The following CD84 variants were observed in gnomAD, a reference collection of about 807,000 sequenced individuals.
The protein encoded by CD84 is SLAM family member 5.
In CD84, 22 loss-of-function variants were observed where a neutral mutation model predicts 33.8. The observed-to-expected ratio is 0.65, with a 90% CI of 0.46 to 0.93. The LOEUF (loss-of-function observed/expected upper bound fraction) is 0.93, where lower values mean the gene tolerates loss of function less well. Among genes scored for constraint, CD84 ranks in the 40% least tolerant of loss-of-function variants. CD84 has a pLI of 0.00. For missense variants in CD84, 400 were observed against 397.6 expected (o/e 1.01, Z -0.05); for synonymous variants, 154 against 145.2 (o/e 1.06, Z -0.44).
chr1:160,547,728 T>C lies in CD84; in HGVS notation c.*528A>G, dbSNP rs1655913259. The C allele has an allele frequency of 6.3e-6, 1 of 158,412 alleles. No homozygotes were observed. The highest frequency in any genetic ancestry group is 6.2e-5 in the Admixed American group (1 of 16,184). The allele number at this position is 158,412 out of a possible 1,614,324, so 9.8% of individuals were successfully genotyped here. On this transcript the variant is annotated 3_prime_UTR_variant, in exon 7 of 7. Coordinates refer to ENST00000368054, the MANE Select transcript of CD84 (RefSeq NM_003874.4). Reference sequence around the variant, plus strand: ...CATCTGCCTCAAGCGAAGGGTACATTTTCCTAATTTGCTCAAGATGCGTGG... The same window carrying C: ...CATCTGCCTCAAGCGAAGGGTACATCTTCCTAATTTGCTCAAGATGCGTGG...
At position 160,546,819 on chromosome 1, in the gene CD84, A is replaced by G. The variant is rs1655855549; in HGVS notation, c.*1437T>C. On this transcript the variant is annotated 3_prime_UTR_variant, in exon 7 of 7. Transcript: ENST00000368054. ...CTGTGCTGGAATTGTCTCCTGAGCT[A>G]CACAAGAGCAGACATTATGCACATC... The G allele has an allele frequency of 3.6e-6, 1 of 274,952 alleles. No homozygotes were observed. The highest frequency in any genetic ancestry group is 1.7e-4 in the South Asian group (1 of 5,944). 17.0% of individuals were successfully genotyped at this position (274,952 alleles called of 1,614,324 possible).
At chr1:160,552,157 G>A (rs1656275827) in intron 4 of CD84, among the ~76,000 whole-genome samples, 1 of 152,222 alleles carries the variant, frequency 6.6e-6, no homozygotes, top group Non-Finnish European at 1.5e-5. Context: ...TATTTGGTGA[G>A]TATGAGACAA....
At chr1:160,550,195 G>A (rs74124859) in intron 5 of CD84, among the ~76,000 whole-genome samples, 3 of 151,956 alleles carry the variant, frequency 2.0e-5, no homozygotes, top group African/African-American at 4.8e-5. Context: ...GCAGGGTCTC[G>A]GGGGTGAAAA....
In CD84 at chr1:160,556,912, G is replaced by A. The variant is rs16832212; in HGVS notation, c.389-2766C>T. Among the ~76,000 whole-genome samples the A allele has an allele frequency of 7.0e-4, 107 of 152,230 alleles. 2 individuals carry two copies. The East Asian group carries it at 0.013, about 19-fold the overall frequency. On this transcript the variant is annotated intron_variant, in intron 2 of 6. Transcript: ENST00000368054. ...CTTTATTTTCTCAGCTAAAGTTCTC[G>A]AATGAGTTAAATATTTTCTAAAGGG... is the stretch of plus-strand genomic sequence containing the variant.
intron 1 of CD84, among the ~76,000 whole-genome samples, chr1:160,570,465 A>G (rs932106465): frequency 6.6e-6 from 1 of 152,166 alleles, no homozygotes; most frequent in Non-Finnish European, 1.5e-5. Flanking sequence ...CCCAGAGTAA[A>G]GACTATATTG....
chr1:160,549,300 AACCCTAAAGC>A (rs1656030277), intron 6 of CD84, among the ~76,000 whole-genome samples: 1 of 152,184 alleles, frequency 6.6e-6, no homozygotes, highest in African/African-American at 2.4e-5. Flanking sequence ...TTCTTTAAGC[AACCCTAAAGC>A]TGTCCTGATT....
intron 3 of CD84, 45 bp from the exon 4 acceptor site, chr1:160,553,542 C>T (rs747055293): frequency 6.2e-7 from 1 of 1,611,058 alleles, no homozygotes; most frequent in Non-Finnish European, 8.5e-7. Flanking sequence ...AGGAAATAGG[C>T]CCAAGAGGCT....
chr1:160,548,064 AGG>A lies in CD84; in HGVS notation c.*190_*191del, dbSNP rs1206231074. 21 of 604,142 alleles carry A rather than the reference AGG, an allele frequency of 3.5e-5. No individual in the cohort carries two copies. The highest frequency in any genetic ancestry group is 5.6e-5 in the Non-Finnish European group (19 of 338,696). The allele number at this position is 604,142 out of a possible 1,614,324, so 37.4% of individuals were successfully genotyped here. On this transcript the variant is annotated 3_prime_UTR_variant, in exon 7 of 7. Coordinates refer to ENST00000368054, the MANE Select transcript of CD84 (RefSeq NM_003874.4). Reference sequence around the variant, plus strand: ...CATTCAGAAGGGAGTCATTTCAGGAAGGGTATGCATCCATTTGTCCATTTAGG... The same window carrying A: ...CATTCAGAAGGGAGTCATTTCAGGAAGTATGCATCCATTTGTCCATTTAGG...
chr1:160,551,985 C>T (rs1039036578), intron 4 of CD84, among the ~76,000 whole-genome samples: 1 of 152,182 alleles, frequency 6.6e-6, no homozygotes, highest in South Asian at 2.1e-4. Context: ...TCAGTGTACT[C>T]CTTTGCTTTG....
At chr1:160,567,365 G>A (rs954578454) in intron 1 of CD84, among the ~76,000 whole-genome samples, 4 of 152,182 alleles carry the variant, frequency 2.6e-5, no homozygotes, top group African/African-American at 9.7e-5. Context: ...CTGATGTAAA[G>A]CTCTTTCCTT....
intron 2 of CD84, among the ~76,000 whole-genome samples, chr1:160,560,422 G>C (rs779859198): frequency 1.3e-5 from 2 of 152,058 alleles, no homozygotes; most frequent in African/African-American, 2.4e-5. Context: ...AATTAAGGCA[G>C]AAATCAAGTT....
intron 4 of CD84, among the ~76,000 whole-genome samples, chr1:160,551,632 C>T (rs1656230169): frequency 6.6e-6 from 1 of 152,198 alleles, no homozygotes; most frequent in Admixed American, 6.5e-5. Context: ...CAACCTCTAT[C>T]TTCTGGACTC....
chr1:160,566,348 G>C (rs1343034088), intron 1 of CD84, among the ~76,000 whole-genome samples: 1 of 152,130 alleles, frequency 6.6e-6, no homozygotes, highest in African/African-American at 2.4e-5. Flanking sequence ...GCCTAACACA[G>C]AGAAGGGGCT....
intron 2 of CD84, among the ~76,000 whole-genome samples, chr1:160,562,380 A>G (rs1657035579): frequency 6.6e-6 from 1 of 152,192 alleles, no homozygotes; most frequent in Admixed American, 6.5e-5. Context: ...AAACAGACAC[A>G]TAGACCAATG....
chr1:160,551,895 CTG>C (rs1656255597), intron 4 of CD84, among the ~76,000 whole-genome samples: 1 of 152,220 alleles, frequency 6.6e-6, no homozygotes, highest in African/African-American at 2.4e-5. Context: ...GTGCCAGGCT[CTG>C]TGTGAGGCCC....
intron 1 of CD84, among the ~76,000 whole-genome samples, chr1:160,573,814 TTGTC>T (rs1379585719): frequency 2.6e-5 from 4 of 152,222 alleles, no homozygotes; most frequent in Non-Finnish European, 5.9e-5. Context: ...ATGTGAGTCT[TTGTC>T]TGTTTCAATC....
At position 160,569,544 on chromosome 1, in the gene CD84, ACGCACGCACG is replaced by A. The variant is rs1557983383; in HGVS notation, c.47-3809_47-3800del. ...CACACACACACACACACACACACGC[ACGCACGCACG>A]CACGCACACACACAATTCTCCTTTG... On this transcript the variant is annotated intron_variant, in intron 1 of 6. Transcript: ENST00000368054. 9.5e-4 allele frequency among the ~76,000 whole-genome samples: 142 copies of A among 150,144 alleles called. 1 individual carries two copies. The highest frequency in any genetic ancestry group is 6.9e-3 in the Middle Eastern group (2 of 288).
rs188989912 is a variant in CD84 at position 160,562,864 on chromosome 1, C to A, written c.388+2540G>T. On this transcript the variant is annotated intron_variant, in intron 2 of 6. Transcript: ENST00000368054. ...ATCCAGAGTCCACAAGGAACTTAAA[C>A]AAACGTTTAAGGAAAAAACAAACAG... Among the ~76,000 whole-genome samples, 272 of 151,872 alleles carry A rather than the reference C, an allele frequency of 1.8e-3. 1 individual carries two copies. Among genetic ancestry groups the A allele is most frequent in the Non-Finnish European group, 3.0e-3 (201 of 67,882 alleles).
At chr1:160,564,567 A>G (rs2102177492) in intron 2 of CD84, among the ~76,000 whole-genome samples, 1 of 152,364 alleles carries the variant, frequency 6.6e-6, no homozygotes, top group South Asian at 2.1e-4. Context: ...ACCGTGGAAT[A>G]CTATCTAGCA....
Sources: gnomAD v4.1 joint callset for allele counts (sites outside exome capture counted in the v4.1 genomes callset) on GRCh38, gnomAD v4.1.1 for gene constraint, MANE v1.5 for transcripts, NCBI Gene and HGNC (gene_info 2026-07-23, HGNC 2026-07-21) for gene names.